SMG6: variants seen among roughly 807,000 people sequenced by gnomAD.
The protein encoded by SMG6 is SMG6 nonsense mediated mRNA decay factor.
Under a neutral mutation model 142.2 loss-of-function variants are expected in SMG6, and 66 were observed. The ratio of observed to expected loss-of-function variants is 0.46; its 90% CI spans 0.38 to 0.57. The LOEUF (loss-of-function observed/expected upper bound fraction) is 0.57, where lower values mean the gene tolerates loss of function less well. Ranked by LOEUF, SMG6 falls within the 20% of genes least tolerant of loss-of-function variation. The pLI, the probability that SMG6 is intolerant of heterozygous loss-of-function variation, is 0.00. For missense variants in SMG6, 1,793 were observed against 1,832.0 expected (o/e 0.98, Z 0.39); for synonymous variants, 779 against 702.4 (o/e 1.11, Z -1.72).
chr17:2,151,357 T>C (rs1446196508), intron 13 of SMG6, among the ~76,000 whole-genome samples: 1 of 152,246 alleles, frequency 6.6e-6, no homozygotes, highest in African/African-American at 2.4e-5. Flanking sequence ...TGTACTTTCA[T>C]GAGCAGAAAA....
intron 13 of SMG6, among the ~76,000 whole-genome samples, chr17:2,143,520 G>C (rs998678763): frequency 6.6e-6 from 1 of 152,166 alleles, no homozygotes. Context: ...GAAAGAAGCA[G>C]AAGAGGCAAA....
chr17:2,140,086 A>T lies in SMG6; in HGVS notation c.3357+32572T>A, dbSNP rs532009762. ...TTAAGGGGCACTTTATTTTTGAGAC[A>T]GGGTCTCACTCTGTCACCCATGCTG... On this transcript the variant is annotated intron_variant, in intron 13 of 18. Coordinates refer to ENST00000263073, the MANE Select transcript of SMG6 (RefSeq NM_017575.5). Among the ~76,000 whole-genome samples the T allele has an allele frequency of 4.1e-5, 6 of 147,478 alleles. No homozygotes were observed. In the East Asian group the frequency reaches 1.2e-3, roughly 31 times the overall value.
At position 2,085,615 on chromosome 17, in the gene SMG6, A is replaced by G. The variant is rs1276919507; in HGVS notation, c.3534+110T>C. On this transcript the variant is annotated intron_variant, in intron 14 of 18. Transcript: ENST00000263073. The surrounding 1 kb of genome is among the most constrained non-coding windows in gnomAD (Gnocchi z 4.1). ...CGAGAAGCTGGCTGGTCACATTAAC[A>G]CAGACGCTGTTCTCTGTGCTCATAA... 5 of 1,157,408 alleles carry G rather than the reference A, an allele frequency of 4.3e-6. No homozygotes were observed. The highest frequency in any genetic ancestry group is 6.2e-6 in the Non-Finnish European group (5 of 809,168). 71.7% of individuals were successfully genotyped at this position (1,157,408 alleles called of 1,614,324 possible).
chr17:2,146,440 A>G (rs2070671706), intron 13 of SMG6, among the ~76,000 whole-genome samples: 1 of 152,232 alleles, frequency 6.6e-6, no homozygotes. Context: ...CTTACCTACC[A>G]AAGAAACATA....
chr17:2,222,425 G>T (rs913006104), intron 10 of SMG6, among the ~76,000 whole-genome samples: 4 of 151,668 alleles, frequency 2.6e-5, no homozygotes, highest in Admixed American at 6.6e-5. Context: ...AATGCGAAGG[G>T]CCAAAGGTGG....
intron 10 of SMG6, among the ~76,000 whole-genome samples, chr17:2,203,018 G>C (rs1567680178): frequency 6.6e-6 from 1 of 152,140 alleles, no homozygotes; most frequent in Non-Finnish European, 1.5e-5. Flanking sequence ...GAAATGTCCT[G>C]GGGGCTCTAT....
intron 15 of SMG6, among the ~76,000 whole-genome samples, chr17:2,081,209 G>GC (rs1319831307): frequency 6.6e-6 from 1 of 152,170 alleles, no homozygotes; most frequent in Non-Finnish European, 1.5e-5. Flanking sequence ...ACAGCAAACG[G>GC]CCTCACAGCA....
intron 8 of SMG6, among the ~76,000 whole-genome samples, chr17:2,250,239 G>A (rs1457093236): frequency 2.0e-5 from 3 of 152,140 alleles, no homozygotes; most frequent in Non-Finnish European, 2.9e-5. Context: ...CTACAGAGTC[G>A]TGTGAAAAAC....
chr17:2,083,040 A>T (rs951368526), intron 14 of SMG6, among the ~76,000 whole-genome samples: 2 of 152,224 alleles, frequency 1.3e-5, no homozygotes, highest in Admixed American at 1.3e-4. Flanking sequence ...CACCTCGCTC[A>T]GGGTCACATG....
In SMG6 at chr17:2,299,453, G is replaced by C; in HGVS notation, c.1300C>G (p.Leu434Val). The C allele has an allele frequency of 6.2e-7, 1 of 1,614,128 alleles. No homozygotes were observed. Among genetic ancestry groups the C allele is most frequent in the Non-Finnish European group, 8.5e-7 (1 of 1,180,026 alleles). ...SPESAPLGPR[L>V]LFGSGSKGSR... ...CCCTTACTACCAGATCCAAACAAAA[G>C]CCGAGGTCCCAAAGGCGCGGACTCT... Residue 434 changes from leucine (L) to valine (V), a missense_variant, in exon 2 of 19, where the codon CTT becomes GTT. Coordinates refer to ENST00000263073, the MANE Select transcript of SMG6 (RefSeq NM_017575.5). This position sits in a 1 kb window ranked among gnomAD's most constrained non-coding sequence, Gnocchi z 4.3.
chr17:2,164,043 C>T (rs1344898068), intron 13 of SMG6, among the ~76,000 whole-genome samples: 3 of 146,642 alleles, frequency 2.0e-5, no homozygotes, highest in African/African-American at 5.1e-5. Context: ...GCCTGGGCGA[C>T]AGAGAAAAAC....
At chr17:2,109,834 G>A (rs978344138) in intron 13 of SMG6, among the ~76,000 whole-genome samples, 1 of 152,078 alleles carries the variant, frequency 6.6e-6, no homozygotes, top group African/African-American at 2.4e-5. Context: ...GCTCACACCT[G>A]TAGTCGCAGC....
chr17:2,106,569 C>T lies in SMG6; in HGVS notation c.3358-20668G>A, dbSNP rs1353990345. ...ATGACCAGAGAGGTCTTATGTCCCACAGGAATAACTCCGAGGACAAGGGAA... is the reference window on the plus strand; with the variant it reads ...ATGACCAGAGAGGTCTTATGTCCCATAGGAATAACTCCGAGGACAAGGGAA... On this transcript the variant is annotated intron_variant, in intron 13 of 18. Coordinates refer to ENST00000263073, the MANE Select transcript of SMG6 (RefSeq NM_017575.5). Among the ~76,000 whole-genome samples, 3 of 152,098 alleles carry T rather than the reference C, an allele frequency of 2.0e-5. No homozygotes were observed. In the East Asian group the frequency reaches 5.8e-4, roughly 29 times the overall value.
At chr17:2,303,597 G>A in intron 1 of SMG6, 36 bp downstream of exon 1, 4 of 1,394,144 alleles carry the variant, frequency 2.9e-6, no homozygotes, top group East Asian at 3.1e-5. Flanking sequence ...GGCGGGGCGG[G>A]CAGGCCCGGC....
At chr17:2,075,652 A>T (rs2068237753) in intron 15 of SMG6, among the ~76,000 whole-genome samples, 1 of 152,228 alleles carries the variant, frequency 6.6e-6, no homozygotes, top group African/African-American at 2.4e-5. Context: ...AACACTTCTG[A>T]CCAACTTCCC....
chr17:2,148,105 C>T (rs777801232), intron 13 of SMG6, among the ~76,000 whole-genome samples: 1 of 152,036 alleles, frequency 6.6e-6, no homozygotes, highest in African/African-American at 2.4e-5. Context: ...GTGGGACGAT[C>T]GTTTGAGCCC....
chr17:2,102,188 A>T (rs2069026471), intron 13 of SMG6, among the ~76,000 whole-genome samples: 1 of 152,212 alleles, frequency 6.6e-6, no homozygotes, highest in Non-Finnish European at 1.5e-5. Flanking sequence ...AGTCCTTTAC[A>T]AAATTTTATT....
chr17:2,212,376 G>A (rs2072890954), intron 10 of SMG6, among the ~76,000 whole-genome samples: 1 of 152,190 alleles, frequency 6.6e-6, no homozygotes, highest in Admixed American at 6.5e-5. Flanking sequence ...GTTGGACAGG[G>A]AAATGGGGTG....
intron 8 of SMG6, among the ~76,000 whole-genome samples, chr17:2,272,314 A>G (rs1395279756): frequency 6.6e-6 from 1 of 152,140 alleles, no homozygotes; most frequent in East Asian, 1.9e-4. Flanking sequence ...AAGCCTTCTG[A>G]ATTCACTTTC....
Sources: gnomAD v4.1 joint callset for allele counts (sites outside exome capture counted in the v4.1 genomes callset) on GRCh38, gnomAD v4.1.1 for gene constraint, Gnocchi (gnomAD v3.1) non-coding constraint, MANE v1.5 for transcripts, NCBI Gene and HGNC (gene_info 2026-07-23, HGNC 2026-07-21) for gene names.